The following EIF3J variants were observed in gnomAD, a reference collection of about 807,000 sequenced individuals.
EIF3J encodes eukaryotic translation initiation factor 3 subunit J.
In EIF3J, 15 loss-of-function variants were observed where a neutral mutation model predicts 39.0. The observed-to-expected ratio is 0.38, with a 90% CI of 0.26 to 0.59. The LOEUF (loss-of-function observed/expected upper bound fraction) is 0.59. Ranked by LOEUF, EIF3J falls within the 20% of genes least tolerant of loss-of-function variation. The probability of loss-of-function intolerance (pLI) is 0.60; values close to 1 mark genes in which losing one functional copy is unlikely to be tolerated. For missense variants in EIF3J, 226 were observed against 308.6 expected (o/e 0.73, Z 2.00); for synonymous variants, 98 against 112.9 (o/e 0.87, Z 0.84).
chr15:44,552,743 A>G (rs144787548), intron 4 of EIF3J, among the ~76,000 whole-genome samples: 240 of 152,144 alleles, frequency 1.6e-3, no homozygotes, highest in African/African-American at 5.5e-3. Flanking sequence ...TATTATCAGT[A>G]GAGATGGCAT....
intron 2 of EIF3J, among the ~76,000 whole-genome samples, chr15:44,549,192 G>A (rs1476841133): frequency 2.0e-5 from 3 of 152,066 alleles, no homozygotes; most frequent in African/African-American, 7.2e-5. Context: ...TTGGGAGTTC[G>A]AGATCAGCCT....
chr15:44,557,790 ATGT>A, intron 6 of EIF3J, 140 bp downstream of exon 6: 1 of 539,340 alleles, frequency 1.9e-6, no homozygotes, highest in Non-Finnish European at 2.9e-6. Context: ...TACCTTGTGA[ATGT>A]TGTTCTGCAG....
rs1319245248 is a variant in EIF3J at position 44,561,713 on chromosome 15, C to CT, written c.*564_*565insT. The CT allele has an allele frequency of 6.6e-6, 1 of 152,450 alleles. No homozygotes were observed. Among genetic ancestry groups the CT allele is most frequent in the African/African-American group, 2.4e-5 (1 of 41,428 alleles). The allele number at this position is 152,450 out of a possible 1,614,324, so 9.4% of individuals were successfully genotyped here. The stretch of plus-strand genomic sequence containing the variant: ...TAGTTTGATATAAAATTAAAATGAC[C>CT]AAAACCCTCCAACTTTGAAGCTAAA... On this transcript the variant is annotated 3_prime_UTR_variant, in exon 8 of 8. Coordinates refer to ENST00000261868, the MANE Select transcript of EIF3J (RefSeq NM_003758.4).
chr15:44,550,342 A>G (rs1226701395), intron 2 of EIF3J, among the ~76,000 whole-genome samples: 1 of 152,186 alleles, frequency 6.6e-6, no homozygotes, highest in African/African-American at 2.4e-5. Context: ...CCTAGGATAG[A>G]GTGCAGTGGC....
At chr15:44,554,864 ATT>A (rs1406470478) in intron 5 of EIF3J, among the ~76,000 whole-genome samples, 197 bp downstream of exon 5, 2 of 152,260 alleles carry the variant, frequency 1.3e-5, no homozygotes, top group African/African-American at 4.8e-5. Context: ...GTAAAAGATT[ATT>A]AAGATAAGTC....
rs762529148 is a variant in EIF3J at position 44,537,194 on chromosome 15, G to C, written c.-1G>C. 5 of 1,610,328 alleles carry C rather than the reference G, an allele frequency of 3.1e-6. No individual in the cohort carries two copies. Among genetic ancestry groups the C allele is most frequent in the Non-Finnish European group, 4.2e-6 (5 of 1,178,538 alleles). The stretch of plus-strand genomic sequence containing the variant: ...TCACACACGCTCACACCCGGCTCGA[G>C]ATGGCGGCGGCGGCGGCGGCGGCGG... On this transcript the variant is annotated 5_prime_UTR_variant, in exon 1 of 8. Coordinates refer to ENST00000261868, the MANE Select transcript of EIF3J (RefSeq NM_003758.4).
At chr15:44,542,897 G>C (rs2082024189) in intron 2 of EIF3J, among the ~76,000 whole-genome samples, 1 of 152,170 alleles carries the variant, frequency 6.6e-6, no homozygotes, top group Non-Finnish European at 1.5e-5. Context: ...TTGGGTAAAG[G>C]ATTTAATTGG....
At chr15:44,557,431 T>G in intron 5 of EIF3J, 58 bp from the exon 6 acceptor site, 12 of 1,337,118 alleles carry the variant, frequency 9.0e-6, no homozygotes, top group Non-Finnish European at 9.9e-6. Flanking sequence ...CTTTGTAAGG[T>G]TTCATTTTTA....
chr15:44,541,884 A>G (rs1383172936), intron 2 of EIF3J, among the ~76,000 whole-genome samples: 2 of 152,248 alleles, frequency 1.3e-5, no homozygotes, highest in East Asian at 1.9e-4. Flanking sequence ...AATCTCAATC[A>G]TATCATTTCA....
chr15:44,543,084 A>C (rs976782604), intron 2 of EIF3J, among the ~76,000 whole-genome samples: 1 of 152,214 alleles, frequency 6.6e-6, no homozygotes, highest in Non-Finnish European at 1.5e-5. Context: ...AAAATTGGGC[A>C]TATTTTTTGA....
At chr15:44,551,368 C>A in intron 3 of EIF3J, 63 bp from the exon 4 acceptor site, 1 of 1,057,524 alleles carries the variant, frequency 9.5e-7, no homozygotes, top group Non-Finnish European at 1.4e-6. Context: ...AGTATCATGT[C>A]TGTCTCATCC....
intron 4 of EIF3J, 118 bp downstream of exon 4, chr15:44,551,640 T>G (rs1361312460): frequency 1.8e-5 from 13 of 704,760 alleles, no homozygotes; most frequent in Non-Finnish European, 2.7e-5. Context: ...ATGGATACCA[T>G]AAGATAGGTA....
chr15:44,552,727 A>C (rs900513739), intron 4 of EIF3J, among the ~76,000 whole-genome samples: 2 of 151,490 alleles, frequency 1.3e-5, no homozygotes, highest in Non-Finnish European at 2.9e-5. Flanking sequence ...TGCCCAGCTA[A>C]TTTTGTATTA....
chr15:44,548,543 G>A (rs945992456), intron 2 of EIF3J, among the ~76,000 whole-genome samples: 5 of 152,130 alleles, frequency 3.3e-5, no homozygotes, highest in African/African-American at 1.2e-4. Flanking sequence ...TAAGTCACAA[G>A]GTATCTTAAA....
chr15:44,560,656 A>T, intron 7 of EIF3J: 2 of 342,518 alleles, frequency 5.8e-6, no homozygotes, highest in Non-Finnish European at 1.1e-5. Context: ...CAGAGTATTT[A>T]TAAGAGTAAA....
intron 7 of EIF3J, 140 bp from the exon 8 acceptor site, chr15:44,560,878 C>T: frequency 1.7e-6 from 2 of 1,202,036 alleles, no homozygotes; most frequent in Non-Finnish European, 2.3e-6. Context: ...AGGTCCAAAA[C>T]ATGTAGGCTC....
chr15:44,551,367 T>G, intron 3 of EIF3J, 64 bp from the exon 4 acceptor site: 1 of 1,051,156 alleles, frequency 9.5e-7, no homozygotes, highest in Non-Finnish European at 1.4e-6. Context: ...AAGTATCATG[T>G]CTGTCTCATC....
At chr15:44,550,592 G>C (rs2140897066) in intron 2 of EIF3J, 1 of 223,222 alleles carries the variant, frequency 4.5e-6, no homozygotes, top group South Asian at 1.5e-4. Flanking sequence ...AAATACTTAG[G>C]AATAAATCTA....
Position 44,550,891 on chromosome 15 carries a change from G to A in EIF3J, c.163G>A (p.Asp55Asn). Residue 55 changes from aspartate (D) to asparagine (N), a missense_variant, in exon 3 of 8, where the codon GAT becomes AAT. Asp to Asn is a conservative substitution (Grantham distance 23, BLOSUM62 1). Around this residue, in one of 2 missense-constraint regions of EIF3J, gnomAD observed 143 missense variants for 156.0 expected, o/e 0.92. Transcript: ENST00000261868. ...DEDVKDNWDDDDDEKKEEAEV... is the reference protein window; with the variant it reads ...DEDVKDNWDDNDDEKKEEAEV... Reference sequence around the variant, plus strand: ...TTTTCTTTAGGATAACTGGGATGACGATGATGATGAAAAAAAAGAGGAAGC... The same window carrying A: ...TTTTCTTTAGGATAACTGGGATGACAATGATGATGAAAAAAAAGAGGAAGC... 6.2e-7 allele frequency: 1 copy of A among 1,606,870 alleles called. No homozygotes were observed. The highest frequency in any genetic ancestry group is 8.5e-7 in the Non-Finnish European group (1 of 1,175,058).
Sources: gnomAD v4.1 joint callset for allele counts (sites outside exome capture counted in the v4.1 genomes callset) on GRCh38, gnomAD v4.1.1 for gene constraint, gnomAD v4.1.1 regional missense constraint, MANE v1.5 for transcripts, NCBI Gene and HGNC (gene_info 2026-07-23, HGNC 2026-07-21) for gene names.